GALNT10: variants seen among roughly 807,000 people sequenced by gnomAD.
The protein encoded by GALNT10 is polypeptide N-acetylgalactosaminyltransferase 10.
A neutral mutation model predicts 75.0 loss-of-function variants in GALNT10; 41 were observed. That is an observed-to-expected ratio of 0.55 (90% CI 0.43 to 0.71). GALNT10 has a LOEUF of 0.71. Ranked by LOEUF, GALNT10 falls within the 30% of genes least tolerant of loss-of-function variation. GALNT10 has a pLI of 0.00. For synonymous variants in GALNT10, 302 were observed against 313.0 expected (o/e 0.96, Z 0.37); for missense variants, 727 against 818.5 (o/e 0.89, Z 1.36).
intron 2 of GALNT10, 137 bp downstream of exon 2, chr5:154,295,055 C>T: frequency 2.1e-6 from 1 of 485,162 alleles, no homozygotes; most frequent in East Asian, 3.4e-5. Flanking sequence ...TGTTGGCTCC[C>T]TCCCTGTCAG....
At chr5:154,366,038 G>A (rs1425748236) in intron 4 of GALNT10, among the ~76,000 whole-genome samples, 1 of 152,196 alleles carries the variant, frequency 6.6e-6, no homozygotes, top group African/African-American at 2.4e-5. Flanking sequence ...GTTTTGGTTG[G>A]AACTCCACCA....
intron 6 of GALNT10, among the ~76,000 whole-genome samples, chr5:154,385,500 C>T (rs914378398): frequency 6.6e-6 from 1 of 152,154 alleles, no homozygotes; most frequent in African/African-American, 2.4e-5. Context: ...CCCAGCCATC[C>T]TCCTTACCCC....
intron 1 of GALNT10, among the ~76,000 whole-genome samples, chr5:154,221,770 G>T (rs560264610): frequency 6.6e-6 from 1 of 152,310 alleles, no homozygotes. Context: ...ACAGCACTCC[G>T]CAGTGCGACT....
chr5:154,252,959 C>T (rs1221414470), intron 1 of GALNT10, among the ~76,000 whole-genome samples: 1 of 132,570 alleles, frequency 7.5e-6, no homozygotes, highest in East Asian at 2.6e-4. Flanking sequence ...TTATTTGGGG[C>T]ATTAACTGTT....
intron 1 of GALNT10, among the ~76,000 whole-genome samples, chr5:154,281,715 G>A (rs144229435): frequency 1.7e-3 from 265 of 152,260 alleles, no homozygotes; most frequent in African/African-American, 6.0e-3. Flanking sequence ...ATATTTGAAT[G>A]GTTCAAACAA....
Position 154,257,628 on chromosome 5 carries a change from G to A in GALNT10, c.160-37188G>A, listed in dbSNP as rs60369186. Among the ~76,000 whole-genome samples the A allele has an allele frequency of 4.4e-3, 660 of 150,590 alleles. 3 individuals are homozygous for A. Among genetic ancestry groups the A allele is most frequent in the African/African-American group, 0.015 (628 of 40,836 alleles). On this transcript the variant is annotated intron_variant, in intron 1 of 11. Coordinates refer to ENST00000297107, the MANE Select transcript of GALNT10 (RefSeq NM_198321.4). ...TCAGAGGTTGCAGTGAGCCGAGATC[G>A]CACCACTGCACTCCAGCTTGGCAAC...
intron 7 of GALNT10, among the ~76,000 whole-genome samples, chr5:154,397,190 C>CTT (rs11349379): frequency 2.1e-5 from 3 of 142,616 alleles, no homozygotes; most frequent in Non-Finnish European, 3.1e-5. Context: ...TTCTTTTCTA[C>CTT]TTTTTTTTTT....
intron 1 of GALNT10, among the ~76,000 whole-genome samples, chr5:154,291,659 A>ATGTT (rs1393450424): frequency 6.6e-6 from 1 of 152,190 alleles, no homozygotes; most frequent in Non-Finnish European, 1.5e-5. Context: ...ATCATTCAGT[A>ATGTT]ACATCTACCA....
intron 1 of GALNT10, among the ~76,000 whole-genome samples, chr5:154,214,507 C>T (rs1309369710): frequency 6.6e-6 from 1 of 151,936 alleles, no homozygotes; most frequent in East Asian, 1.9e-4. Flanking sequence ...CTTTCATTTC[C>T]TCACTTTAGA....
At chr5:154,269,588 G>A (rs918062015) in intron 1 of GALNT10, among the ~76,000 whole-genome samples, 5 of 152,214 alleles carry the variant, frequency 3.3e-5, no homozygotes, top group Non-Finnish European at 7.3e-5. Flanking sequence ...AACCAGAGCC[G>A]GGCCCAGCTG....
At chr5:154,195,802 A>C (rs1284150490) in intron 1 of GALNT10, among the ~76,000 whole-genome samples, 1 of 152,124 alleles carries the variant, frequency 6.6e-6, no homozygotes, top group East Asian at 1.9e-4. Context: ...CAAGATTATC[A>C]CCCCAAATTT....
chr5:154,322,873 C>T (rs1022626231), intron 3 of GALNT10, among the ~76,000 whole-genome samples: 3 of 152,166 alleles, frequency 2.0e-5, no homozygotes, highest in African/African-American at 7.2e-5. Context: ...GACAAAAGAA[C>T]TTGGGATATG....
chr5:154,297,439 A>G (rs1754292689), intron 2 of GALNT10, among the ~76,000 whole-genome samples: 1 of 152,262 alleles, frequency 6.6e-6, no homozygotes, highest in Non-Finnish European at 1.5e-5. Flanking sequence ...TGTAGTTTAC[A>G]AAAAGCTTTC....
At chr5:154,358,484 C>T (rs1376574955) in intron 4 of GALNT10, among the ~76,000 whole-genome samples, 1 of 152,176 alleles carries the variant, frequency 6.6e-6, no homozygotes, top group Non-Finnish European at 1.5e-5. Flanking sequence ...GATAAGGAAA[C>T]TGAAGCTTAG....
In GALNT10 at chr5:154,314,376, G is replaced by A. The variant is rs564289099; in HGVS notation, c.402-15196G>A. Among the ~76,000 whole-genome samples the A allele has an allele frequency of 6.6e-5, 10 of 152,242 alleles. No homozygotes were observed. The East Asian group carries it at 9.7e-4, about 15-fold the overall frequency. On this transcript the variant is annotated intron_variant, in intron 3 of 11. Transcript: ENST00000297107. ...TAGAATTCTTACCCTTGGACCAAGGGCCACTGTTTGAGATGTGGATATGCT... is the reference window on the plus strand; with the variant it reads ...TAGAATTCTTACCCTTGGACCAAGGACCACTGTTTGAGATGTGGATATGCT...
intron 1 of GALNT10, among the ~76,000 whole-genome samples, chr5:154,266,495 G>T (rs1581946696): frequency 6.6e-6 from 1 of 151,084 alleles, no homozygotes; most frequent in South Asian, 2.1e-4. Context: ...TCCTATAGAG[G>T]ATTTAAATTT....
chr5:154,326,385 T>C (rs1754756690), intron 3 of GALNT10, among the ~76,000 whole-genome samples: 2 of 152,188 alleles, frequency 1.3e-5, no homozygotes, highest in African/African-American at 4.8e-5. Context: ...GACCCAGCAA[T>C]CCAGCTGTTT....
intron 7 of GALNT10, among the ~76,000 whole-genome samples, chr5:154,401,282 T>C (rs1323590833): frequency 1.4e-4 from 22 of 152,208 alleles, no homozygotes; most frequent in Non-Finnish European, 1.5e-5. Context: ...AAGTTTAATA[T>C]GAAGACAAGG....
chr5:154,255,557 T>C (rs985801100), intron 1 of GALNT10, among the ~76,000 whole-genome samples: 3 of 152,098 alleles, frequency 2.0e-5, no homozygotes, highest in Non-Finnish European at 2.9e-5. Context: ...AGCTCAATGG[T>C]TATACTCCTT....
Sources: gnomAD v4.1 joint callset for allele counts (sites outside exome capture counted in the v4.1 genomes callset) on GRCh38, gnomAD v4.1.1 for gene constraint, MANE v1.5 for transcripts, NCBI Gene and HGNC (gene_info 2026-07-23, HGNC 2026-07-21) for gene names.